The following FAT1 variants were observed in gnomAD, a reference collection of about 807,000 sequenced individuals.
The protein encoded by FAT1 is protocadherin Fat 1.
In FAT1, 171 loss-of-function variants were observed where a neutral mutation model predicts 329.8. That is an observed-to-expected ratio of 0.52 (90% confidence interval 0.46 to 0.59). The LOEUF is 0.59. FAT1 is among the 20% of genes least tolerant of loss of function. FAT1 has a pLI of 0.00. For missense variants in FAT1, 5,672 were observed against 5,774.4 expected (o/e 0.98, Z 0.57); for synonymous variants, 2,233 against 2,228.6 (o/e 1.00, Z -0.06).
chr4:186,691,891 A>G (rs1206017671), intron 2 of FAT1, among the ~76,000 whole-genome samples: 1 of 152,234 alleles, frequency 6.6e-6, no homozygotes, highest in Non-Finnish European at 1.5e-5. Flanking sequence ...TTCTACAAGC[A>G]GTAAACAATA....
chr4:186,681,862 CAGAA>C (rs1352457627), intron 2 of FAT1, among the ~76,000 whole-genome samples: 1 of 152,180 alleles, frequency 6.6e-6, no homozygotes, highest in African/African-American at 2.4e-5. Context: ...TTCTGGGACA[CAGAA>C]AGGAACATTA....
At chr4:186,647,230 T>C (rs1741425052) in intron 3 of FAT1, among the ~76,000 whole-genome samples, 1 of 152,178 alleles carries the variant, frequency 6.6e-6, no homozygotes, top group South Asian at 2.1e-4. Context: ...ACAGTTCGCT[T>C]TTTAGCCACC....
At chr4:186,608,371 G>C (rs912481736) in intron 16 of FAT1, among the ~76,000 whole-genome samples, 1 of 151,944 alleles carries the variant, frequency 6.6e-6, no homozygotes, top group South Asian at 2.1e-4. Flanking sequence ...CTGCGGGTCG[G>C]GGTTGTATTT....
At chr4:186,598,303 ACACC>A (rs1738636977) in intron 22 of FAT1, among the ~76,000 whole-genome samples, 178 bp from the exon 23 acceptor site, 1 of 152,216 alleles carries the variant, frequency 6.6e-6, no homozygotes, top group Admixed American at 6.5e-5. Context: ...TATAACCAAA[ACACC>A]CAGAATTGAA....
Position 186,600,531 on chromosome 4 carries a change from G to A in FAT1, c.11641-171C>T, listed in dbSNP as rs189509913. 5.3e-4 allele frequency among the ~76,000 whole-genome samples: 81 copies of A among 152,322 alleles called. 1 individual carries two copies. The highest frequency in any genetic ancestry group is 1.7e-3 in the African/African-American group (69 of 41,562). ...TCCACTGTATAAATCATTAAAATGCGTCTTTTAGGAATATCAAGTTAAAAT... is the reference window on the plus strand; with the variant it reads ...TCCACTGTATAAATCATTAAAATGCATCTTTTAGGAATATCAAGTTAAAAT... On this transcript the variant is annotated intron_variant, in intron 21 of 26. Coordinates refer to ENST00000441802, the MANE Select transcript of FAT1 (RefSeq NM_005245.4).
intron 1 of FAT1, among the ~76,000 whole-genome samples, chr4:186,712,868 G>A (rs564481912): frequency 2.1e-4 from 32 of 152,208 alleles, no homozygotes; most frequent in African/African-American, 7.7e-4. Context: ...GTCACACCCC[G>A]CAGAGAAGCA....
rs577150815 is a variant in FAT1 at position 186,674,458 on chromosome 4, G to C, written c.3266-10845C>G. 1.1e-4 allele frequency among the ~76,000 whole-genome samples: 17 copies of C among 152,298 alleles called. No homozygotes were observed. The South Asian group carries it at 3.3e-3, about 30-fold the overall frequency. The stretch of plus-strand genomic sequence containing the variant: ...GAGGGTACTATCTCCATGAGATGCA[G>C]AGTTGTGATTCAACAGCCAGGTCTG... On this transcript the variant is annotated intron_variant, in intron 2 of 26. Transcript: ENST00000441802.
chr4:186,646,496 A>G (rs192632757), intron 3 of FAT1, among the ~76,000 whole-genome samples: 209 of 152,314 alleles, frequency 1.4e-3, no homozygotes, highest in African/African-American at 4.9e-3. Flanking sequence ...TGCACTTGAA[A>G]CAGAGCTAAT....
At position 186,596,941 on chromosome 4, in the gene FAT1, AC is replaced by A; in HGVS notation, c.12598del (p.Val4200PhefsTer6). 1 of 1,614,042 alleles carries A rather than the reference AC, an allele frequency of 6.2e-7. No homozygotes were observed. The highest frequency in any genetic ancestry group is 1.1e-5 in the South Asian group (1 of 91,084). ...CCGACTAATCATCTTACGGCAGAGAACAAACACCACCACCAGTAAAAATATC... is the reference window on the plus strand; with the variant it reads ...CCGACTAATCATCTTACGGCAGAGAAAAACACCACCACCAGTAAAAATATC... The part of the protein sequence containing the change: ...AGIFLLVVVF[V>X]LCRKMISRKK... On this transcript the variant is annotated frameshift_variant, in exon 25 of 27. Transcript: ENST00000441802. LOFTEE classifies it high-confidence loss of function. This position sits in a 1 kb window ranked among gnomAD's most constrained non-coding sequence, Gnocchi z 4.7.
rs796466542 is a variant in FAT1 at position 186,605,774 on chromosome 4, G to C, written c.10350+296C>G. ...AGCAAGAGGGAAGAGGAAGGTCAAG[G>C]GGGGAGGAGAGGGCAGAGGAAAAGC... On this transcript the variant is annotated intron_variant, in intron 17 of 26. Coordinates refer to ENST00000441802, the MANE Select transcript of FAT1 (RefSeq NM_005245.4). 2.8e-4 allele frequency among the ~76,000 whole-genome samples: 42 copies of C among 150,772 alleles called. 1 individual carries two copies. The highest frequency in any genetic ancestry group is 9.3e-4 in the African/African-American group (38 of 41,054).
chr4:186,641,165 G>A (rs780149714), intron 3 of FAT1, among the ~76,000 whole-genome samples: 7 of 152,148 alleles, frequency 4.6e-5, no homozygotes, highest in Non-Finnish European at 1.0e-4. Context: ...TAGTTACTAA[G>A]AATCTAAATC....
chr4:186,718,133 G>A (rs1308841324), intron 1 of FAT1, among the ~76,000 whole-genome samples: 1 of 152,168 alleles, frequency 6.6e-6, no homozygotes, highest in Non-Finnish European at 1.5e-5. Context: ...GACCAGGAAA[G>A]TGAATGTTCC....
intron 3 of FAT1, among the ~76,000 whole-genome samples, chr4:186,656,935 A>G (rs2126605330): frequency 6.6e-6 from 1 of 152,274 alleles, no homozygotes; most frequent in Admixed American, 6.5e-5. Flanking sequence ...CTGACCTTCC[A>G]CTTCTAGTAA....
intron 2 of FAT1, among the ~76,000 whole-genome samples, chr4:186,678,048 AG>A (rs1743034937): frequency 6.6e-6 from 1 of 152,202 alleles, no homozygotes; most frequent in Admixed American, 6.5e-5. Flanking sequence ...TCTTTAACAA[AG>A]TAATAATAAA....
intron 2 of FAT1, among the ~76,000 whole-genome samples, chr4:186,669,497 C>T (rs1188235791): frequency 6.6e-6 from 1 of 152,190 alleles, no homozygotes; most frequent in Non-Finnish European, 1.5e-5. Flanking sequence ...GAATGAAAGC[C>T]TAGCTTTCCA....
At chr4:186,692,741 A>G (rs1463879524) in intron 2 of FAT1, among the ~76,000 whole-genome samples, 1 of 152,082 alleles carries the variant, frequency 6.6e-6, no homozygotes, top group Non-Finnish European at 1.5e-5. Flanking sequence ...TGGACTTCCA[A>G]TTCCATTTCC....
At chr4:186,724,100 C>A (rs942441437), upstream of FAT1, among the ~76,000 whole-genome samples, 1 of 143,764 alleles carries the variant, frequency 7.0e-6, no homozygotes, top group African/African-American at 2.7e-5. This position sits in a 1 kb window ranked among gnomAD's most constrained non-coding sequence, Gnocchi z 5.3. Context: ...CTTGTGATGC[C>A]GAGGTTAGTT....
chr4:186,703,180 G>A (rs913809255), intron 2 of FAT1, among the ~76,000 whole-genome samples: 1 of 152,074 alleles, frequency 6.6e-6, no homozygotes, highest in East Asian at 1.9e-4. Flanking sequence ...GTCCACGCCC[G>A]CCATCCCCAC....
Position 186,676,067 on chromosome 4 carries a change from CAG to C in FAT1, c.3266-12456_3266-12455del, listed in dbSNP as rs147026881. On this transcript the variant is annotated intron_variant, in intron 2 of 26. Coordinates refer to ENST00000441802, the MANE Select transcript of FAT1 (RefSeq NM_005245.4). ...AAGAGTAACTTATTCCTTGGACCAG[CAG>C]AGAGAGAGGAAAAGAAGGGCACCTG... 1.0e-2 allele frequency among the ~76,000 whole-genome samples: 1,517 copies of C among 151,884 alleles called. 27 individuals are homozygous for C. The highest frequency in any genetic ancestry group is 0.035 in the African/African-American group (1,469 of 41,460).
Sources: gnomAD v4.1 joint callset for allele counts (sites outside exome capture counted in the v4.1 genomes callset) on GRCh38, gnomAD v4.1.1 for gene constraint, Gnocchi (gnomAD v3.1) non-coding constraint, MANE v1.5 for transcripts, NCBI Gene and HGNC (gene_info 2026-07-23, HGNC 2026-07-21) for gene names.